UBTF: variants seen among roughly 807,000 people sequenced by gnomAD.
The protein encoded by UBTF is upstream binding transcription factor.
UBTF carries 8 observed loss-of-function variants against 112.3 expected under a neutral mutation model. The ratio of observed to expected loss-of-function variants is 0.07; its 90% CI spans 0.04 to 0.13. The LOEUF is 0.13. Ranked by LOEUF, UBTF falls within the 10% of genes least tolerant of loss-of-function variation. UBTF has a pLI of 1.00. For missense variants in UBTF, 457 were observed against 982.1 expected (o/e 0.47, Z 7.15); for synonymous variants, 417 against 373.1 (o/e 1.12, Z -1.36).
At chr17:44,214,002 A>C (rs2046716406) in intron 5 of UBTF, among the ~76,000 whole-genome samples, 8 of 139,166 alleles carry the variant, frequency 5.7e-5, no homozygotes, top group South Asian at 2.3e-4. Context: ...CTCTCACCTC[A>C]CTCCCTCCCT....
At chr17:44,213,151 G>A (rs2056802345) in intron 6 of UBTF, 67 bp downstream of exon 6, 11 of 1,577,984 alleles carry the variant, frequency 7.0e-6, no homozygotes, top group Non-Finnish European at 1.7e-6. Context: ...TCAAGGCTCT[G>A]GCCAGGGTTA....
chr17:44,219,269 C>T (rs896657368), intron 1 of UBTF, 176 bp downstream of exon 1: 2 of 151,288 alleles, frequency 1.3e-5, no homozygotes, highest in Admixed American at 1.3e-4. Flanking sequence ...TCAGGCCTCG[C>T]TTCCTGCCTT....
chr17:44,208,703 C>A (rs2056440195), intron 17 of UBTF: 1 of 168,418 alleles, frequency 5.9e-6, no homozygotes, highest in Non-Finnish European at 1.3e-5. Context: ...ACAGGTGATT[C>A]TCTCCACTTT....
At chr17:44,213,976 CT>C (rs773376073) in intron 5 of UBTF, among the ~76,000 whole-genome samples, 10 of 152,070 alleles carry the variant, frequency 6.6e-5, no homozygotes, top group Non-Finnish European at 1.2e-4. Context: ...TCATCACCCC[CT>C]TTTTAGCCTC....
At position 44,211,240 on chromosome 17, in the gene UBTF, T is replaced by G; in HGVS notation, c.1089+50A>C. The G allele has an allele frequency of 6.2e-7, 1 of 1,614,118 alleles. No individual in the cohort carries two copies. Among genetic ancestry groups the G allele is most frequent in the Non-Finnish European group, 8.5e-7 (1 of 1,180,004 alleles). ...TCCAGGGGCTCACCAGGGCTCTGCCTGCCAAGTCCCAGTCTTCTCTGCCCA... is the reference window on the plus strand; with the variant it reads ...TCCAGGGGCTCACCAGGGCTCTGCCGGCCAAGTCCCAGTCTTCTCTGCCCA... On this transcript the variant is annotated intron_variant, in intron 11 of 20. Coordinates refer to ENST00000436088, the MANE Select transcript of UBTF (RefSeq NM_014233.4). The surrounding 1 kb of genome is among the most constrained non-coding windows in gnomAD (Gnocchi z 4.9).
intron 7 of UBTF, 150 bp from the exon 8 acceptor site, chr17:44,212,604 G>T: frequency 9.5e-7 from 1 of 1,054,538 alleles, no homozygotes; most frequent in Non-Finnish European, 1.4e-6. Flanking sequence ...GCGGAGAGGC[G>T]GGGATCCCGC....
intron 18 of UBTF, 23 bp downstream of exon 18, chr17:44,207,841 T>G: frequency 6.2e-7 from 1 of 1,614,006 alleles, no homozygotes; most frequent in Non-Finnish European, 8.5e-7. Context: ...CCTACCCCAC[T>G]GCTGCTCTGC....
chr17:44,220,703 C>T (rs1017937035), upstream of UBTF: 4 of 152,024 alleles, frequency 2.6e-5, no homozygotes, highest in East Asian at 3.9e-4. Flanking sequence ...GTAGCAACCC[C>T]TCTCCCCCGA....
intron 13 of UBTF, 38 bp downstream of exon 13, chr17:44,210,754 C>T (rs1222533773): frequency 1.3e-5 from 20 of 1,549,426 alleles, no homozygotes; most frequent in East Asian, 7.3e-5. Flanking sequence ...GCCCTGGCAG[C>T]CCCCCTGGGG....
At position 44,211,174 on chromosome 17, in the gene UBTF, G is replaced by GGGGCTGCATGCCTGGCACCC. The variant is rs749444315; in HGVS notation, c.1090-42_1090-23dup. The GGGGCTGCATGCCTGGCACCC allele has an allele frequency of 1.5e-5, 24 of 1,612,814 alleles. No homozygotes were observed. Among genetic ancestry groups the GGGGCTGCATGCCTGGCACCC allele is most frequent in the Middle Eastern group, 1.7e-4 (1 of 6,060 alleles). On this transcript the variant is annotated intron_variant, in intron 11 of 20. Transcript: ENST00000436088. The surrounding 1 kb of genome is among the most constrained non-coding windows in gnomAD (Gnocchi z 4.9). The stretch of plus-strand genomic sequence containing the variant: ...GGCTCTGGACAGGAAAGAGGAGCAC[G>GGGGCTGCATGCCTGGCACCC]GGGCTGCATGCCTGGCACCCAGACT...
rs1024190320 is a variant in UBTF at position 44,210,623 on chromosome 17, C to T, written c.1360-150G>A. ...GGGCTCGCCCCCGCCTGGTCTGCGG[C>T]GCTCAGCTGACAGCTTCCCGCCTTC... On this transcript the variant is annotated intron_variant, in intron 13 of 20. Coordinates refer to ENST00000436088, the MANE Select transcript of UBTF (RefSeq NM_014233.4). The T allele has an allele frequency of 5.3e-5, 74 of 1,383,594 alleles. 1 individual carries two copies. In the Admixed American group the frequency reaches 1.7e-3, roughly 33 times the overall value. 85.7% of individuals were successfully genotyped at this position (1,383,594 alleles called of 1,614,324 possible). A position where few individuals can be genotyped will look rare whatever the true frequency, so the allele number is the denominator to read the frequency against.
At position 44,205,129 on chromosome 17, in the gene UBTF, C is replaced by G. The variant is rs1411984776; in HGVS notation, c.*2113G>C. 2 of 152,642 alleles carry G rather than the reference C, an allele frequency of 1.3e-5. No homozygotes were observed. The highest frequency in any genetic ancestry group is 4.8e-5 in the African/African-American group (2 of 41,436). 9.5% of individuals were successfully genotyped at this position (152,642 alleles called of 1,614,324 possible). On this transcript the variant is annotated 3_prime_UTR_variant, in exon 21 of 21. Coordinates refer to ENST00000436088, the MANE Select transcript of UBTF (RefSeq NM_014233.4). ...GGCAGACACCTCTAAGCCACTCCCT[C>G]CCACCTCCCATGATACAAATTCAAG...
chr17:44,218,250 T>G lies in UBTF; in HGVS notation c.-21A>C. On this transcript the variant is annotated 5_prime_UTR_variant, in exon 2 of 21. Coordinates refer to ENST00000436088, the MANE Select transcript of UBTF (RefSeq NM_014233.4). The stretch of plus-strand genomic sequence containing the variant: ...TTCATCCTCCAGCTGTCCAGCCACC[T>G]CCTCGGTCGTGCTGGCCGGGCAACC... The G allele has an allele frequency of 1.2e-6, 2 of 1,611,410 alleles. No individual in the cohort carries two copies. Among genetic ancestry groups the G allele is most frequent in the Middle Eastern group, 3.3e-4 (2 of 6,056 alleles).
At chr17:44,210,030 C>T in intron 15 of UBTF, 94 bp downstream of exon 15, 12 of 1,318,690 alleles carry the variant, frequency 9.1e-6, no homozygotes, top group Non-Finnish European at 1.3e-5. Context: ...CTGAGAGTCA[C>T]AGACCAAGGC....
Position 44,207,502 on chromosome 17 carries a change from G to C in UBTF, c.2121C>G (p.Gly707=), listed in dbSNP as rs148770098. 5 of 1,613,822 alleles carry C rather than the reference G, an allele frequency of 3.1e-6. No homozygotes were observed. Among genetic ancestry groups the C allele is most frequent in the African/African-American group, 1.3e-5 (1 of 74,868 alleles). Residue 707 remains glycine, a synonymous_variant, in exon 20 of 21, where the codon GGC becomes GGG. Coordinates refer to ENST00000436088, the MANE Select transcript of UBTF (RefSeq NM_014233.4). ...DENGDSSEDG[G]DSSESSSEDE... ...CCTCGCTGCTGGACTCAGAGGAGTCGCCGCCATCTTCAGAGGAGTCCCCAT... is the reference window on the plus strand; with the variant it reads ...CCTCGCTGCTGGACTCAGAGGAGTCCCCGCCATCTTCAGAGGAGTCCCCAT...
chr17:44,213,625 T>C (rs886781424), intron 5 of UBTF, among the ~76,000 whole-genome samples: 4 of 152,178 alleles, frequency 2.6e-5, no homozygotes, highest in African/African-American at 7.2e-5. Flanking sequence ...TCCAACACCA[T>C]AGAACTCTCA....
Position 44,205,877 on chromosome 17 carries a change from G to A in UBTF, c.*1365C>T, listed in dbSNP as rs1024835425. ...CAAGGTACCAAAAAATACGGGAGAT[G>A]GCTGGGAAGAGTTAGAGACAGCTGC... On this transcript the variant is annotated 3_prime_UTR_variant, in exon 21 of 21. Transcript: ENST00000436088. The A allele has an allele frequency of 1.3e-5, 2 of 151,876 alleles. No homozygotes were observed. Among genetic ancestry groups the A allele is most frequent in the African/African-American group, 4.8e-5 (2 of 41,352 alleles). The allele number at this position is 151,876 out of a possible 1,614,324, so 9.4% of individuals were successfully genotyped here.
At chr17:44,210,272 A>G in intron 14 of UBTF, 38 bp from the exon 15 acceptor site, 1 of 1,614,142 alleles carries the variant, frequency 6.2e-7, no homozygotes, top group Non-Finnish European at 8.5e-7. Flanking sequence ...GGGAGGGGTC[A>G]CCCGGGGCTA....
chr17:44,212,116 C>A, intron 8 of UBTF, 110 bp from the exon 9 acceptor site: 1 of 1,207,792 alleles, frequency 8.3e-7, no homozygotes, highest in East Asian at 2.4e-5. Flanking sequence ...CTGGGGGTGG[C>A]TGCGCGTCAG....
Sources: allele counts gnomAD v4.1 joint callset (sites outside exome capture counted in the v4.1 genomes callset), GRCh38; gene constraint gnomAD v4.1.1; non-coding constraint Gnocchi (gnomAD v3.1); transcripts MANE v1.5; gene names NCBI Gene and HGNC (gene_info 2026-07-23, HGNC 2026-07-21).